Variants in LMAN1 observed in about 807,000 individuals in gnomAD.
LMAN1 encodes protein ERGIC-53.
In LMAN1, 32 loss-of-function variants were observed where a neutral mutation model predicts 67.8. That is an observed-to-expected ratio of 0.47 (90% confidence interval 0.36 to 0.63). The LOEUF is 0.63. Ranked by LOEUF, LMAN1 falls within the 30% of genes least tolerant of loss-of-function variation. The pLI, the probability that LMAN1 is intolerant of heterozygous loss-of-function variation, is 0.00. For missense variants in LMAN1, 632 were observed against 628.2 expected (o/e 1.01, Z -0.06); for synonymous variants, 235 against 219.3 (o/e 1.07, Z -0.63).
At chr18:59,352,819 G>T (rs1200300277) in intron 5 of LMAN1, 1 of 307,492 alleles carries the variant, frequency 3.3e-6, no homozygotes, top group African/African-American at 2.2e-5. Flanking sequence ...ATACATTTGT[G>T]TGTCCTCTGT....
intron 4 of LMAN1, among the ~76,000 whole-genome samples, chr18:59,353,677 TG>T (rs1251243437): frequency 1.3e-5 from 2 of 152,212 alleles, no homozygotes; most frequent in East Asian, 3.8e-4. Context: ...TACAGTTCAC[TG>T]GTTAAAAGCT....
In LMAN1 at chr18:59,347,527, G is replaced by T. The variant is rs746587316; in HGVS notation, c.808C>A (p.Pro270Thr). ...TGTAAAATTACCGGCTCTTTTCCAG[G>T]TTCAGTCAACTGGAAAGTCAGAAAA... is the stretch of plus-strand genomic sequence containing the variant. ...LSFLTFQLTE[P>T]GKEPPTPDKE... Residue 270 changes from proline to threonine, a missense_variant, in exon 7 of 13, where the codon CCT (proline) becomes ACT (threonine). Coordinates refer to ENST00000251047, the MANE Select transcript of LMAN1 (RefSeq NM_005570.4). The T allele has an allele frequency of 1.9e-6, 3 of 1,609,304 alleles. No homozygotes were observed. The South Asian group carries it at 3.3e-5, about 18-fold the overall frequency.
At chr18:59,351,182 T>C (rs2144228594) in intron 5 of LMAN1, among the ~76,000 whole-genome samples, 1 of 152,292 alleles carries the variant, frequency 6.6e-6, no homozygotes, top group East Asian at 1.9e-4. Flanking sequence ...ATGCCTATTG[T>C]GAGAAGTTTA....
At chr18:59,333,999 A>G (rs1908087664) in intron 10 of LMAN1, among the ~76,000 whole-genome samples, 1 of 152,216 alleles carries the variant, frequency 6.6e-6, no homozygotes, top group South Asian at 2.1e-4. Context: ...CTTTTGAATC[A>G]ATGTCACGTG....
In LMAN1 at chr18:59,329,897, G is replaced by C. The variant is rs1176696920; in HGVS notation, c.*1196C>G. 1 of 152,126 alleles carries C rather than the reference G, an allele frequency of 6.6e-6. No homozygotes were observed. Among genetic ancestry groups the C allele is most frequent in the African/African-American group, 2.4e-5 (1 of 41,420 alleles). 9.4% of individuals were successfully genotyped at this position (152,126 alleles called of 1,614,324 possible). A position where few individuals can be genotyped will look rare whatever the true frequency, so the allele number is the denominator to read the frequency against. ...GCAAAAATCAGTATAAATCAGCTGT[G>C]AACAGAATTAAATTTGCATCTTAAA... On this transcript the variant is annotated 3_prime_UTR_variant, in exon 13 of 13. Transcript: ENST00000251047.
intron 8 of LMAN1, among the ~76,000 whole-genome samples, chr18:59,343,344 G>A (rs545179289): frequency 1.7e-4 from 26 of 151,718 alleles, no homozygotes; most frequent in Admixed American, 3.9e-4. Context: ...AATAGCCAAA[G>A]CAATGCTAAG....
chr18:59,333,393 G>T, intron 10 of LMAN1, 149 bp from the exon 11 acceptor site: 1 of 616,004 alleles, frequency 1.6e-6, no homozygotes, highest in African/African-American at 1.9e-5. Flanking sequence ...ATCGAGTTGT[G>T]TTCAAAATTG....
rs1221782848 is a variant in LMAN1 at position 59,336,135 on chromosome 18, A to G, written c.1220+2422T>C. Among the ~76,000 whole-genome samples, 6 of 152,324 alleles carry G rather than the reference A, an allele frequency of 3.9e-5. No homozygotes were observed. In the East Asian group the frequency reaches 7.7e-4, roughly 20 times the overall value. On this transcript the variant is annotated intron_variant, in intron 10 of 12. Transcript: ENST00000251047. ...CGGAACTACAGACTCATGTACATGC[A>G]TGGGTTGGTATACATATGTATATTC...
chr18:59,347,829 T>C (rs969965597), intron 6 of LMAN1, among the ~76,000 whole-genome samples: 1 of 152,202 alleles, frequency 6.6e-6, no homozygotes, highest in African/African-American at 2.4e-5. Flanking sequence ...GTGTTTAACA[T>C]ATAATAGATG....
At chr18:59,333,900 G>C (rs926909421) in intron 10 of LMAN1, among the ~76,000 whole-genome samples, 1 of 150,648 alleles carries the variant, frequency 6.6e-6, no homozygotes, top group Non-Finnish European at 1.5e-5. Context: ...CTATATGTCA[G>C]ACAGAATGTT....
At chr18:59,352,254 G>A (rs1189792869) in intron 5 of LMAN1, among the ~76,000 whole-genome samples, 1 of 152,022 alleles carries the variant, frequency 6.6e-6, no homozygotes, top group Non-Finnish European at 1.5e-5. Flanking sequence ...CAAATGTGCT[G>A]CTTCTTTGCT....
In LMAN1 at chr18:59,357,501, TTGA is replaced by T. The variant is rs200549288; in HGVS notation, c.214+1527_214+1529del. On this transcript the variant is annotated intron_variant, in intron 1 of 12. Coordinates refer to ENST00000251047, the MANE Select transcript of LMAN1 (RefSeq NM_005570.4). ...AAACAAAAACTCCAAAAACTTGTGT[TTGA>T]TATCATTTGCATCACCTTTGTGTAT... Among the ~76,000 whole-genome samples the T allele has an allele frequency of 5.1e-3, 782 of 152,298 alleles. 5 individuals carry two copies. The highest frequency in any genetic ancestry group is 0.017 in the African/African-American group (727 of 41,568).
At position 59,347,654 on chromosome 18, in the gene LMAN1, T is replaced by C. The variant is rs377107224; in HGVS notation, c.764-83A>G. 6.9e-6 allele frequency: 7 copies of C among 1,019,526 alleles called. No homozygotes were observed. The African/African-American group carries it at 1.1e-4, about 17-fold the overall frequency. 63.2% of individuals were successfully genotyped at this position (1,019,526 alleles called of 1,614,324 possible). A position where few individuals can be genotyped will look rare whatever the true frequency, so the allele number is the denominator to read the frequency against. On this transcript the variant is annotated intron_variant, in intron 6 of 12. Coordinates refer to ENST00000251047, the MANE Select transcript of LMAN1 (RefSeq NM_005570.4). Reference sequence around the variant, plus strand: ...TGTAAATGTATTTTATCAATATTTATTGTTTTAAATAACAATAACCAGTGA... The same window carrying C: ...TGTAAATGTATTTTATCAATATTTACTGTTTTAAATAACAATAACCAGTGA...
Position 59,346,080 on chromosome 18 carries a change from T to C in LMAN1, c.823-29A>G, listed in dbSNP as rs1417453664. On this transcript the variant is annotated intron_variant, in intron 7 of 12. Coordinates refer to ENST00000251047, the MANE Select transcript of LMAN1 (RefSeq NM_005570.4). ...TTTTTTGGAGTTTTGGAATAGATCATTAAAAAGATAAGAAAATCATTAAGA... is the reference window on the plus strand; with the variant it reads ...TTTTTTGGAGTTTTGGAATAGATCACTAAAAAGATAAGAAAATCATTAAGA... 1.3e-6 allele frequency: 2 copies of C among 1,559,840 alleles called. No individual in the cohort carries two copies. The highest frequency in any genetic ancestry group is 1.7e-6 in the Non-Finnish European group (2 of 1,145,800).
chr18:59,336,064 T>C (rs1292841649), intron 10 of LMAN1, among the ~76,000 whole-genome samples: 4 of 152,156 alleles, frequency 2.6e-5, no homozygotes, highest in Non-Finnish European at 4.4e-5. Flanking sequence ...GAATCCAAAA[T>C]ATCTGCATAA....
At chr18:59,343,544 C>G (rs981923943) in intron 8 of LMAN1, among the ~76,000 whole-genome samples, 2 of 151,900 alleles carry the variant, frequency 1.3e-5, no homozygotes, top group Admixed American at 1.3e-4. Flanking sequence ...AAAATAAACA[C>G]TGGGGAAAGG....
chr18:59,328,918 T>C lies in LMAN1; in HGVS notation c.*2175A>G, dbSNP rs925139992. The C allele has an allele frequency of 6.6e-6, 1 of 152,204 alleles. No homozygotes were observed. The highest frequency in any genetic ancestry group is 6.5e-5 in the Admixed American group (1 of 15,280). 9.4% of individuals were successfully genotyped at this position (152,204 alleles called of 1,614,324 possible). On this transcript the variant is annotated 3_prime_UTR_variant, in exon 13 of 13. Coordinates refer to ENST00000251047, the MANE Select transcript of LMAN1 (RefSeq NM_005570.4). ...TTTAAAAGTGGCATCATAGACACAA[T>C]GACTTACATAAAAATTTTAAAATCA...
chr18:59,339,818 T>C (rs1376844919), intron 8 of LMAN1, among the ~76,000 whole-genome samples: 5 of 152,156 alleles, frequency 3.3e-5, no homozygotes, highest in African/African-American at 1.2e-4. Flanking sequence ...CCACAGCTTC[T>C]TGCCCATGCT....
chr18:59,352,808 G>C (rs1226427656), intron 5 of LMAN1: 1 of 301,580 alleles, frequency 3.3e-6, no homozygotes, highest in Non-Finnish European at 6.5e-6. Context: ...GCATAGGAAT[G>C]ATACATTTGT....
Sources: allele counts gnomAD v4.1 joint callset (sites outside exome capture counted in the v4.1 genomes callset), GRCh38; gene constraint gnomAD v4.1.1; transcripts MANE v1.5; gene names NCBI Gene and HGNC (gene_info 2026-07-23, HGNC 2026-07-21).